Variants in CEBPE observed in about 807,000 individuals in gnomAD.
CEBPE encodes the protein CCAAT enhancer binding protein epsilon, also known as CCAAT/enhancer-binding protein epsilon.
Under a neutral mutation model 20.4 loss-of-function variants are expected in CEBPE, and 10 were observed. The observed-to-expected ratio is 0.49, with a 90% confidence interval of 0.30 to 0.83. The LOEUF is 0.83. Ranked by LOEUF, CEBPE falls within the 40% of genes least tolerant of loss-of-function variation. CEBPE has a pLI of 0.06. For missense variants in CEBPE, 389 were observed against 383.3 expected, an observed-to-expected ratio of 1.01 and a Z score of -0.12; for synonymous variants, 179 against 162.6, an observed-to-expected ratio of 1.10 and a Z score of -0.77.
Position 23,118,577 on chromosome 14 carries a change from C to T in CEBPE, c.510+5G>A. Reference sequence around the variant, plus strand: ...CAGGAGGGAGGAGGGCTGGCCTGCTCTTACCTTGAGAACGCGCAGAGGCTG... The same window carrying T: ...CAGGAGGGAGGAGGGCTGGCCTGCTTTTACCTTGAGAACGCGCAGAGGCTG... On this transcript the variant is annotated splice_donor_5th_base_variant and intron_variant, in intron 1 of 1. Transcript: ENST00000206513. The surrounding 1 kb of genome is among the most constrained non-coding windows in gnomAD (Gnocchi z 5.5). 6.2e-7 allele frequency: 1 copy of T among 1,606,008 alleles called. No individual in the cohort carries two copies. Among genetic ancestry groups the T allele is most frequent in the East Asian group, 2.2e-5 (1 of 44,804 alleles).
At position 23,117,781 on chromosome 14, in the gene CEBPE, C is replaced by G; in HGVS notation, c.552G>C (p.Leu184=). Residue 184 remains leucine (L), a synonymous_variant, in exon 2 of 2, where the codon CTG becomes CTC. Transcript: ENST00000206513. The part of the protein sequence containing the change: ...ATAAPPCSPL[L]KAPSPAGPLH... ...AGGGGCCAGCCGGGGAGGGCGCCTT[C>G]AGGAGGGGACTGCAGGGGGGTGCGG... 1 of 1,611,810 alleles carries G rather than the reference C, an allele frequency of 6.2e-7. No homozygotes were observed. The highest frequency in any genetic ancestry group is 8.5e-7 in the Non-Finnish European group (1 of 1,179,416).
rs573254481 is a variant in CEBPE at position 23,119,166 on chromosome 14, C to G, written c.-75G>C. 2 of 1,006,544 alleles carry G rather than the reference C, an allele frequency of 2.0e-6. No homozygotes were observed. Among genetic ancestry groups the G allele is most frequent in the Non-Finnish European group, 3.0e-6 (2 of 671,652 alleles). The allele number at this position is 1,006,544 out of a possible 1,614,324, so 62.4% of individuals were successfully genotyped here. A position where few individuals can be genotyped will look rare whatever the true frequency, so the allele number is the denominator to read the frequency against. ...CCTTGGGGTGCTCCGGCTGCCCTCT[C>G]TCTACCTCCTCCTGACCTGGGCCTG... is the stretch of plus-strand genomic sequence containing the variant. On this transcript the variant is annotated 5_prime_UTR_variant, in exon 1 of 2. Coordinates refer to ENST00000206513, the MANE Select transcript of CEBPE (RefSeq NM_001805.4).
At position 23,118,459 on chromosome 14, in the gene CEBPE, T is replaced by G; in HGVS notation, c.510+123A>C. The G allele has an allele frequency of 8.2e-7, 1 of 1,223,894 alleles. No homozygotes were observed. The highest frequency in any genetic ancestry group is 1.1e-6 in the Non-Finnish European group (1 of 895,672). The allele number at this position is 1,223,894 out of a possible 1,614,324, so 75.8% of individuals were successfully genotyped here. ...GGGTGTGAACACAGAGGACTGTGGG[T>G]TGGGTCCATTTCACAGAGCGACACC... On this transcript the variant is annotated intron_variant, in intron 1 of 1. Transcript: ENST00000206513. The surrounding 1 kb of genome is among the most constrained non-coding windows in gnomAD (Gnocchi z 5.5).
Position 23,118,935 on chromosome 14 carries a change from G to A in CEBPE, c.157C>T (p.Leu53Phe), listed in dbSNP as rs1303931802. Residue 53 changes from leucine (L) to phenylalanine (F), a missense_variant, in exon 1 of 2, where the codon CTT becomes TTT. Physicochemically the swap from Leu to Phe is conservative, Grantham distance 22. This residue lies in a region of CEBPE where 294 missense variants were observed against 279.7 expected (regional missense o/e 1.05). Transcript: ENST00000206513. This position sits in a 1 kb window ranked among gnomAD's most constrained non-coding sequence, Gnocchi z 5.5. Reference protein sequence around the residue: ...SAYIESGEEQLLSDLFAVKPA... With the variant: ...SAYIESGEEQFLSDLFAVKPA... ...TTCACGGCAAAGAGATCGGAGAGAAGCTGCTCTTCCCCAGACTCGATGTAG... is the reference window on the plus strand; with the variant it reads ...TTCACGGCAAAGAGATCGGAGAGAAACTGCTCTTCCCCAGACTCGATGTAG... 3.1e-6 allele frequency: 5 copies of A among 1,614,080 alleles called. No homozygotes were observed. The highest frequency in any genetic ancestry group is 1.7e-5 in the Admixed American group (1 of 60,032).
Position 23,117,414 on chromosome 14 carries a change from C to T in CEBPE, c.*73G>A, listed in dbSNP as rs1467399615. On this transcript the variant is annotated 3_prime_UTR_variant, in exon 2 of 2. Transcript: ENST00000206513. ...ATGGTCTATGTCTCAGGGTTCTAGG[C>T]CCCCAGCAGGATGGGGGTCCGCAGA... 2 of 1,488,430 alleles carry T rather than the reference C, an allele frequency of 1.3e-6. No homozygotes were observed. Among genetic ancestry groups the T allele is most frequent in the Non-Finnish European group, 1.8e-6 (2 of 1,096,044 alleles). The allele number at this position is 1,488,430 out of a possible 1,614,324, so 92.2% of individuals were successfully genotyped here.
Position 23,117,737 on chromosome 14 carries a change from G to A in CEBPE, c.596C>T (p.Ala199Val). The A allele has an allele frequency of 6.2e-7, 1 of 1,614,036 alleles. No homozygotes were observed. The highest frequency in any genetic ancestry group is 8.5e-7 in the Non-Finnish European group (1 of 1,180,042). ...PAGPLHKGKK[A>V]VNKDSLEYRL... ...GTACTCAAGGCTATCTTTGTTCACT[G>A]CCTTCTTGCCCTTGTGTAAGGGGCC... Residue 199 changes from alanine to valine, a missense_variant, in exon 2 of 2, where the codon GCA becomes GTA. Transcript: ENST00000206513.
chr14:23,118,943 TC>T lies in CEBPE; in HGVS notation c.148del (p.Glu50LysfsTer11). 2 of 1,613,962 alleles carry T rather than the reference TC, an allele frequency of 1.2e-6. No individual in the cohort carries two copies. Among genetic ancestry groups the T allele is most frequent in the Non-Finnish European group, 8.5e-7 (1 of 1,179,968 alleles). On this transcript the variant is annotated frameshift_variant, in exon 1 of 2. Coordinates refer to ENST00000206513, the MANE Select transcript of CEBPE (RefSeq NM_001805.4). LOFTEE classifies it high-confidence loss of function. The surrounding 1 kb of genome is among the most constrained non-coding windows in gnomAD (Gnocchi z 5.5). Reference protein sequence around the residue: ...IDLSAYIESGEEQLLSDLFAV... With the variant: ...IDLSAYIESGXEQLLSDLFAV... The stretch of plus-strand genomic sequence containing the variant: ...AAAGAGATCGGAGAGAAGCTGCTCT[TC>T]CCCAGACTCGATGTAGGCGGAGAGG...
Position 23,118,843 on chromosome 14 carries a change from A to G in CEBPE, c.249T>C (p.Pro83=), listed in dbSNP as rs2140292119. The change falls in exon 1 of 2, where the codon CCT becomes CCC. Residue 83 remains proline (P), a synonymous_variant. Coordinates refer to ENST00000206513, the MANE Select transcript of CEBPE (RefSeq NM_001805.4). The surrounding 1 kb of genome is among the most constrained non-coding windows in gnomAD (Gnocchi z 5.5). ...GTPAFPHYLP[P]DPRPFAYPPH... The stretch of plus-strand genomic sequence containing the variant: ...GAGGGTAGGCAAAGGGCCGAGGGTC[A>G]GGCGGCAAGTAGTGGGGGAAGGCAG... 6.2e-7 allele frequency: 1 copy of G among 1,613,974 alleles called. No individual in the cohort carries two copies.
Position 23,118,516 on chromosome 14 carries a change from C to T in CEBPE, c.510+66G>A. On this transcript the variant is annotated intron_variant, in intron 1 of 1. Transcript: ENST00000206513. The surrounding 1 kb of genome is among the most constrained non-coding windows in gnomAD (Gnocchi z 5.5). ...AGGCTCAGCAGCATGAGCCGGGGCA[C>T]AGGGTCCTGTCCACACCAGCCTCTC... The T allele has an allele frequency of 1.3e-6, 2 of 1,527,336 alleles. No homozygotes were observed. Among genetic ancestry groups the T allele is most frequent in the Non-Finnish European group, 8.8e-7 (1 of 1,139,044 alleles). 94.6% of individuals were successfully genotyped at this position (1,527,336 alleles called of 1,614,324 possible). A position where few individuals can be genotyped will look rare whatever the true frequency, so the allele number is the denominator to read the frequency against.
Position 23,118,524 on chromosome 14 carries a change from T to C in CEBPE, c.510+58A>G, listed in dbSNP as rs2048520648. The C allele has an allele frequency of 1.9e-6, 3 of 1,549,616 alleles. No individual in the cohort carries two copies. Among genetic ancestry groups the C allele is most frequent in the African/African-American group, 1.4e-5 (1 of 74,036 alleles). On this transcript the variant is annotated intron_variant, in intron 1 of 1. Transcript: ENST00000206513. The surrounding 1 kb of genome is among the most constrained non-coding windows in gnomAD (Gnocchi z 5.5). Reference sequence around the variant, plus strand: ...CAGCATGAGCCGGGGCACAGGGTCCTGTCCACACCAGCCTCTCCAGCCCCG... The same window carrying C: ...CAGCATGAGCCGGGGCACAGGGTCCCGTCCACACCAGCCTCTCCAGCCCCG...
At position 23,119,004 on chromosome 14, in the gene CEBPE, G is replaced by T; in HGVS notation, c.88C>A (p.Leu30Ile). ...FSGGRAGPGE[L>I]GDMCEHEASI... ...GCCTCATGCTCACACATGTCCCCTAGCTCCCCGGGCCCAGCTCGGCCCCCT... is the reference window on the plus strand; with the variant it reads ...GCCTCATGCTCACACATGTCCCCTATCTCCCCGGGCCCAGCTCGGCCCCCT... Residue 30 changes from leucine to isoleucine, a missense_variant, in exon 1 of 2, where the codon CTA becomes ATA. By Grantham distance (5) the Leu-to-Ile change is conservative. This residue lies in a region of CEBPE where 294 missense variants were observed against 279.7 expected (regional missense o/e 1.05). Transcript: ENST00000206513. 1 of 1,613,568 alleles carries T rather than the reference G, an allele frequency of 6.2e-7. No homozygotes were observed. The highest frequency in any genetic ancestry group is 8.5e-7 in the Non-Finnish European group (1 of 1,179,926).
chr14:23,119,209 G>A lies in CEBPE; in HGVS notation c.-118C>T. On this transcript the variant is annotated 5_prime_UTR_variant, in exon 1 of 2. Coordinates refer to ENST00000206513, the MANE Select transcript of CEBPE (RefSeq NM_001805.4). ...TGGGCCTGCCCTCTCTCGATCTTCT[G>A]CCCTAGACCTGCCCTCTGCAGTCTC... The A allele has an allele frequency of 1.4e-6, 1 of 698,356 alleles. No individual in the cohort carries two copies. 43.3% of individuals were successfully genotyped at this position (698,356 alleles called of 1,614,324 possible).
Position 23,117,496 on chromosome 14 carries a change from A to AC in CEBPE, c.836dup (p.Cys280LeufsTer32), listed in dbSNP as rs1363394381. ...AATCCACCAGCCAGCCTCAGCTGCA[A>AC]CCCCCCACGCCCTTGATGAGGTTGG... On this transcript the variant is annotated frameshift_variant, in exon 2 of 2. Transcript: ENST00000206513. LOFTEE classifies it high-confidence loss of function. 1.9e-6 allele frequency: 3 copies of AC among 1,611,624 alleles called. No homozygotes were observed. Among genetic ancestry groups the AC allele is most frequent in the Admixed American group, 1.7e-5 (1 of 59,848 alleles).
chr14:23,118,785 C>A lies in CEBPE; in HGVS notation c.307G>T (p.Gly103Trp), dbSNP rs1406725168. ...CCTGGGCTGCTGTAGATGCCAGGCCCCAGCGCCTTCCTGTCTGGGCCGAAG... is the reference window on the plus strand; with the variant it reads ...CCTGGGCTGCTGTAGATGCCAGGCCACAGCGCCTTCCTGTCTGGGCCGAAG... ...HTFGPDRKAL[G>W]PGIYSSPGSY... The change falls in exon 1 of 2, where the codon GGG (glycine) becomes TGG (tryptophan). Residue 103 changes from glycine (G) to tryptophan (W), a missense_variant. This residue lies in a region of CEBPE where 294 missense variants were observed against 279.7 expected (regional missense o/e 1.05). Coordinates refer to ENST00000206513, the MANE Select transcript of CEBPE (RefSeq NM_001805.4). This position sits in a 1 kb window ranked among gnomAD's most constrained non-coding sequence, Gnocchi z 5.5. 6.2e-6 allele frequency: 10 copies of A among 1,612,908 alleles called. No individual in the cohort carries two copies. The highest frequency in any genetic ancestry group is 7.6e-6 in the Non-Finnish European group (9 of 1,179,360).
Position 23,119,146 on chromosome 14 carries a change from G to T in CEBPE, c.-55C>A. 6.2e-6 allele frequency: 8 copies of T among 1,292,038 alleles called. No homozygotes were observed. Among genetic ancestry groups the T allele is most frequent in the East Asian group, 2.5e-5 (1 of 40,164 alleles). The allele number at this position is 1,292,038 out of a possible 1,614,324, so 80.0% of individuals were successfully genotyped here. The stretch of plus-strand genomic sequence containing the variant: ...CCACCTGCTCTTGAGGCACCCCTTG[G>T]GGTGCTCCGGCTGCCCTCTCTCTAC... On this transcript the variant is annotated 5_prime_UTR_variant, in exon 1 of 2. Transcript: ENST00000206513.
At position 23,117,429 on chromosome 14, in the gene CEBPE, G is replaced by A. The variant is rs2048513029; in HGVS notation, c.*58C>T. On this transcript the variant is annotated 3_prime_UTR_variant, in exon 2 of 2. Transcript: ENST00000206513. Reference sequence around the variant, plus strand: ...GGGTTCTAGGCCCCCAGCAGGATGGGGGTCCGCAGAGTTAGGCCGTGCCAG... The same window carrying A: ...GGGTTCTAGGCCCCCAGCAGGATGGAGGTCCGCAGAGTTAGGCCGTGCCAG... The A allele has an allele frequency of 1.9e-6, 3 of 1,539,626 alleles. No homozygotes were observed. Among genetic ancestry groups the A allele is most frequent in the South Asian group, 1.2e-5 (1 of 85,580 alleles).
In CEBPE at chr14:23,118,871, G is replaced by A. The variant is rs763378339; in HGVS notation, c.221C>T (p.Thr74Ile). The stretch of plus-strand genomic sequence containing the variant: ...CGGCAAGTAGTGGGGGAAGGCAGGG[G>A]TTCCGGGGCCCTTGAGGCCTCTGGC... The part of the protein sequence containing the change: ...PEARGLKGPG[T>I]PAFPHYLPPD... Residue 74 changes from threonine (T) to isoleucine (I), a missense_variant, in exon 1 of 2, where the codon ACC (threonine) becomes ATC (isoleucine). Physicochemically the swap from Thr to Ile is moderately conservative, Grantham distance 89 (BLOSUM62 -1). Around this residue, in one of 3 missense-constraint regions of CEBPE, gnomAD observed 294 missense variants for 279.7 expected, o/e 1.05. Transcript: ENST00000206513. The surrounding 1 kb of genome is among the most constrained non-coding windows in gnomAD (Gnocchi z 5.5). 7.4e-6 allele frequency: 12 copies of A among 1,614,070 alleles called. No individual in the cohort carries two copies. The highest frequency in any genetic ancestry group is 1.0e-5 in the Non-Finnish European group (12 of 1,179,982).
In CEBPE at chr14:23,118,870, G is replaced by A. The variant is rs142854852; in HGVS notation, c.222C>T (p.Thr74=). Residue 74 remains threonine, a synonymous_variant, in exon 1 of 2, where the codon ACC becomes ACT. Transcript: ENST00000206513. This position sits in a 1 kb window ranked among gnomAD's most constrained non-coding sequence, Gnocchi z 5.5. Reference sequence around the variant, plus strand: ...GCGGCAAGTAGTGGGGGAAGGCAGGGGTTCCGGGGCCCTTGAGGCCTCTGG... The same window carrying A: ...GCGGCAAGTAGTGGGGGAAGGCAGGAGTTCCGGGGCCCTTGAGGCCTCTGG... ...PEARGLKGPG[T]PAFPHYLPPD... 23 of 1,614,040 alleles carry A rather than the reference G, an allele frequency of 1.4e-5. No homozygotes were observed. The highest frequency in any genetic ancestry group is 1.7e-5 in the Non-Finnish European group (20 of 1,179,980).
chr14:23,117,433 C>T lies in CEBPE; in HGVS notation c.*54G>A, dbSNP rs1286623809. On this transcript the variant is annotated 3_prime_UTR_variant, in exon 2 of 2. Transcript: ENST00000206513. ...TCTAGGCCCCCAGCAGGATGGGGGT[C>T]CGCAGAGTTAGGCCGTGCCAGGGAG... The T allele has an allele frequency of 1.3e-6, 2 of 1,551,318 alleles. No homozygotes were observed. The highest frequency in any genetic ancestry group is 2.7e-5 in the African/African-American group (2 of 73,288).
Sources: gnomAD v4.1 joint callset for allele counts on GRCh38, gnomAD v4.1.1 for gene constraint, gnomAD v4.1.1 regional missense constraint, Gnocchi (gnomAD v3.1) non-coding constraint, MANE v1.5 for transcripts, NCBI Gene and HGNC (gene_info 2026-07-23, HGNC 2026-07-21) for gene names.